EBF3: variants seen among roughly 807,000 people sequenced by gnomAD.
The protein encoded by EBF3 is transcription factor COE3.
A neutral mutation model predicts 77.1 loss-of-function variants in EBF3; 18 were observed. The observed-to-expected ratio is 0.23, with a 90% confidence interval of 0.16 to 0.35. The LOEUF (loss-of-function observed/expected upper bound fraction) is 0.35. EBF3 is among the 10% of genes least tolerant of loss of function. The pLI, the probability that EBF3 is intolerant of heterozygous loss-of-function variation, is 1.00. For synonymous variants in EBF3, 350 were observed against 343.5 expected (o/e 1.02, Z -0.21); for missense variants, 558 against 860.0 (o/e 0.65, Z 4.39).
At chr10:129,914,733 T>C (rs555634062) in intron 6 of EBF3, among the ~76,000 whole-genome samples, 1 of 152,250 alleles carries the variant, frequency 6.6e-6, no homozygotes, top group East Asian at 1.9e-4. Context: ...GCCACCTGCA[T>C]GGGAGACCCT....
chr10:129,942,185 T>C (rs1353151156), intron 6 of EBF3, among the ~76,000 whole-genome samples: 1 of 152,190 alleles, frequency 6.6e-6, no homozygotes, highest in African/African-American at 2.4e-5. Flanking sequence ...TTTAGGAAGA[T>C]AAAAATTGTG....
Position 129,963,130 on chromosome 10 carries a change from C to A in EBF3, c.292-125G>T, listed in dbSNP as rs1293386044. 11 of 1,306,806 alleles carry A rather than the reference C, an allele frequency of 8.4e-6. No homozygotes were observed. Among genetic ancestry groups the A allele is most frequent in the Non-Finnish European group, 1.2e-5 (11 of 912,540 alleles). The allele number at this position is 1,306,806 out of a possible 1,614,324, so 81.0% of individuals were successfully genotyped here. A position where few individuals can be genotyped will look rare whatever the true frequency, so the allele number is the denominator to read the frequency against. On this transcript the variant is annotated intron_variant, in intron 2 of 16. Transcript: ENST00000440978. This position sits in a 1 kb window ranked among gnomAD's most constrained non-coding sequence, Gnocchi z 7.1. ...TGGCAGGATTCCTAGCTCGAAGCAG[C>A]GCGGTGATGTCACTTTCCTGCTGGA...
Position 129,842,864 on chromosome 10 carries a change from G to A in EBF3, c.1194+273C>T, listed in dbSNP as rs779414086. 4.6e-5 allele frequency among the ~76,000 whole-genome samples: 7 copies of A among 151,456 alleles called. No individual in the cohort carries two copies. The highest frequency in any genetic ancestry group is 5.9e-5 in the Non-Finnish European group (4 of 67,904). On this transcript the variant is annotated intron_variant, in intron 12 of 16. Coordinates refer to ENST00000440978, the MANE Select transcript of EBF3 (RefSeq NM_001375380.1). This position sits in a 1 kb window ranked among gnomAD's most constrained non-coding sequence, Gnocchi z 4.4. ...CCTGGTTCCCAGCGGCACCAACACC[G>A]TCCACCCGCCACTGCACACTGCAGA... is the stretch of plus-strand genomic sequence containing the variant.
At position 129,962,945 on chromosome 10, in the gene EBF3, T is replaced by G; in HGVS notation, c.352A>C (p.Asn118His). The G allele has an allele frequency of 6.2e-7, 1 of 1,614,082 alleles. No individual in the cohort carries two copies. Among genetic ancestry groups the G allele is most frequent in the Non-Finnish European group, 8.5e-7 (1 of 1,179,984 alleles). ...IHYKLQLLYS[N>H]GVRTEQDLYV... is the part of the protein sequence containing the mutation. Reference sequence around the variant, plus strand: ...CGAGCACGCAGCAGGCACTTACCGTTGCTGTACAATAACTGGAGTTTATAG... The same window carrying G: ...CGAGCACGCAGCAGGCACTTACCGTGGCTGTACAATAACTGGAGTTTATAG... The change falls in exon 3 of 17, where the codon AAC (asparagine) becomes CAC (histidine). Residue 118 changes from asparagine (N) to histidine (H), a missense_variant. By Grantham distance (68) the Asn-to-His change is moderately conservative. Coordinates refer to ENST00000440978, the MANE Select transcript of EBF3 (RefSeq NM_001375380.1).
intron 6 of EBF3, among the ~76,000 whole-genome samples, chr10:129,893,247 C>A (rs1029498046): frequency 3.3e-5 from 5 of 152,208 alleles, no homozygotes; most frequent in Admixed American, 6.5e-5. Context: ...TCACTATACT[C>A]CACTTGACAA....
At chr10:129,901,580 C>T (rs1168011712) in intron 6 of EBF3, among the ~76,000 whole-genome samples, 1 of 152,150 alleles carries the variant, frequency 6.6e-6, no homozygotes, top group Admixed American at 6.5e-5. Context: ...GTGATTTATC[C>T]TCATTATTGT....
intron 6 of EBF3, among the ~76,000 whole-genome samples, chr10:129,908,253 A>G (rs1307831814): frequency 2.0e-5 from 3 of 152,222 alleles, no homozygotes; most frequent in Non-Finnish European, 4.4e-5. Flanking sequence ...AAATAGCGGG[A>G]GGATTTTCCA....
chr10:129,934,103 T>C (rs891235478), intron 6 of EBF3, among the ~76,000 whole-genome samples: 19 of 152,194 alleles, frequency 1.2e-4, no homozygotes, highest in Non-Finnish European at 1.9e-4. Flanking sequence ...TAGCTGAGCA[T>C]CTTGTATTTT....
intron 6 of EBF3, among the ~76,000 whole-genome samples, chr10:129,909,596 G>A (rs959795281): frequency 1.1e-4 from 16 of 152,234 alleles, no homozygotes; most frequent in African/African-American, 3.9e-4. Flanking sequence ...GAGAGCAACT[G>A]TGACAAACTC....
chr10:129,869,160 A>G (rs1176487537), intron 8 of EBF3, among the ~76,000 whole-genome samples: 1 of 152,158 alleles, frequency 6.6e-6, no homozygotes, highest in Non-Finnish European at 1.5e-5. Context: ...AAGCCTCTAC[A>G]CTAAGCCCTG....
intron 8 of EBF3, among the ~76,000 whole-genome samples, chr10:129,868,566 A>G (rs1564840670): frequency 2.0e-5 from 3 of 152,228 alleles, no homozygotes; most frequent in Admixed American, 2.0e-4. Context: ...GAGTTATTAC[A>G]ATGGTGCTGC....
At chr10:129,902,952 T>C (rs571856942) in intron 6 of EBF3, among the ~76,000 whole-genome samples, 56 of 152,318 alleles carry the variant, frequency 3.7e-4, no homozygotes, top group African/African-American at 1.3e-3. Flanking sequence ...TCTCTCAGGA[T>C]TCCAGAAGTA....
intron 10 of EBF3, among the ~76,000 whole-genome samples, chr10:129,849,326 G>T (rs1356391597): frequency 1.3e-5 from 2 of 152,224 alleles, no homozygotes; most frequent in Non-Finnish European, 2.9e-5. Flanking sequence ...TCTTGATGTA[G>T]ATGGCGTTTT....
intron 6 of EBF3, among the ~76,000 whole-genome samples, chr10:129,893,350 T>G (rs938208012): frequency 6.6e-6 from 1 of 152,160 alleles, no homozygotes; most frequent in African/African-American, 2.4e-5. Flanking sequence ...AAGTTAAAAA[T>G]AAGAAAATGT....
At chr10:129,866,653 G>A (rs1374159576) in intron 10 of EBF3, among the ~76,000 whole-genome samples, 2 of 152,188 alleles carry the variant, frequency 1.3e-5, no homozygotes, top group Non-Finnish European at 2.9e-5. Flanking sequence ...GAAAGACCAG[G>A]CTTACATGGG....
intron 6 of EBF3, among the ~76,000 whole-genome samples, chr10:129,886,470 T>C (rs1000817069): frequency 1.3e-5 from 2 of 152,188 alleles, no homozygotes; most frequent in Non-Finnish European, 2.9e-5. Flanking sequence ...CACCGAGCCC[T>C]CTCTCTTCAC....
chr10:129,917,115 T>C (rs1274719106), intron 6 of EBF3, among the ~76,000 whole-genome samples: 2 of 148,964 alleles, frequency 1.3e-5, no homozygotes, highest in African/African-American at 4.8e-5. Context: ...ACGCCTGTAA[T>C]TCCAGCACTT....
intron 6 of EBF3, among the ~76,000 whole-genome samples, chr10:129,920,770 C>A (rs1856240465): frequency 6.6e-6 from 1 of 152,204 alleles, no homozygotes; most frequent in Non-Finnish European, 1.5e-5. Context: ...TGAGAAGGGC[C>A]CAGTAACCAT....
chr10:129,859,146 G>A (rs1851448383), intron 10 of EBF3, among the ~76,000 whole-genome samples: 1 of 152,244 alleles, frequency 6.6e-6, no homozygotes, highest in Non-Finnish European at 1.5e-5. Flanking sequence ...ATCGCTGACA[G>A]ACAGCCTTCT....
Sources: allele counts gnomAD v4.1 joint callset (sites outside exome capture counted in the v4.1 genomes callset), GRCh38; gene constraint gnomAD v4.1.1; non-coding constraint Gnocchi (gnomAD v3.1); transcripts MANE v1.5; gene names NCBI Gene and HGNC (gene_info 2026-07-23, HGNC 2026-07-21).